The following CFAP99 variants were observed in gnomAD, a reference collection of about 807,000 sequenced individuals.
CFAP99 encodes the protein cilia and flagella associated protein 99.
In CFAP99, 84 loss-of-function variants were observed where a neutral mutation model predicts 82.7. The ratio of observed to expected loss-of-function variants is 1.02; its 90% confidence interval spans 0.85 to 1.22. The LOEUF is 1.22. Among genes scored for constraint, CFAP99 ranks in the 50% most tolerant of loss-of-function variants. CFAP99 has a pLI of 0.00. For missense variants in CFAP99, 1,059 were observed against 983.5 expected, an observed-to-expected ratio of 1.08 and a Z score of -1.03; for synonymous variants, 456 against 429.5, an observed-to-expected ratio of 1.06 and a Z score of -0.76.
At chr4:2,458,556 C>T (rs935711935) in intron 11 of CFAP99, among the ~76,000 whole-genome samples, 167 bp from the exon 12 acceptor site, 2 of 152,202 alleles carry the variant, frequency 1.3e-5, no homozygotes, top group Non-Finnish European at 2.9e-5. Context: ...GGCCCAACTT[C>T]CAGAGCACCG....
intron 8 of CFAP99, chr4:2,450,208 C>T (rs1734271937): frequency 3.3e-6 from 2 of 602,868 alleles, no homozygotes; most frequent in Middle Eastern, 2.7e-4. Flanking sequence ...TGTAGACGCG[C>T]ACCCACATCC....
intron 4 of CFAP99, among the ~76,000 whole-genome samples, chr4:2,442,276 C>A (rs189737432): frequency 1.2e-3 from 180 of 152,166 alleles, no homozygotes; most frequent in Non-Finnish European, 1.8e-3. Flanking sequence ...GTAGAGACCC[C>A]AGCCTCGGGG....
At chr4:2,439,417 CTT>C (rs1733986908) in intron 4 of CFAP99, among the ~76,000 whole-genome samples, 1 of 152,170 alleles carries the variant, frequency 6.6e-6, no homozygotes, top group Admixed American at 6.5e-5. Context: ...CGAGGTCTCT[CTT>C]GAAGGAAGCA....
At chr4:2,436,592 A>G (rs146927505) in intron 2 of CFAP99, among the ~76,000 whole-genome samples, 35 of 152,318 alleles carry the variant, frequency 2.3e-4, no homozygotes, top group African/African-American at 7.5e-4. Flanking sequence ...TGTTCTCATT[A>G]GCTGGAACCG....
In CFAP99 at chr4:2,450,584, C is replaced by T. The variant is rs191055343; in HGVS notation, c.796-363C>T. On this transcript the variant is annotated intron_variant, in intron 8 of 14. Transcript: ENST00000635017. ...TTGGCAAAGCAGCTGGCGGCTGGGC[C>T]GGGAGCAGACAGGCTCGGGGAGAGG... Among the ~76,000 whole-genome samples the T allele has an allele frequency of 5.0e-3, 757 of 152,264 alleles. 7 individuals carry two copies. The highest frequency in any genetic ancestry group is 5.7e-3 in the Non-Finnish European group (387 of 67,998).
intron 4 of CFAP99, among the ~76,000 whole-genome samples, chr4:2,439,010 C>T (rs78082753): frequency 0.017 from 2,560 of 152,284 alleles, 64 homozygotes; most frequent in African/African-American, 0.056. Flanking sequence ...CAGGAGCCCA[C>T]GCCCCTGACT....
chr4:2,439,990 G>T (rs543715345), intron 4 of CFAP99, among the ~76,000 whole-genome samples: 195 of 150,088 alleles, frequency 1.3e-3, no homozygotes, highest in Non-Finnish European at 2.4e-3. Flanking sequence ...ATTACGGCAT[G>T]TGCCATCACG....
chr4:2,436,908 A>G (rs1366111209), exon 3 of CFAP99: 1 of 1,535,434 alleles, frequency 6.5e-7, no homozygotes, highest in African/African-American at 1.4e-5. Context: ...TTTGTTTTGG[A>G]GGTTCTGTCT....
intron 1 of CFAP99, among the ~76,000 whole-genome samples, chr4:2,419,391 A>G (rs1195638696): frequency 6.6e-6 from 1 of 151,906 alleles, no homozygotes; most frequent in African/African-American, 2.4e-5. Flanking sequence ...AGAGCTAAAA[A>G]CCCACACGTG....
chr4:2,462,056 C>G lies in CFAP99; in HGVS notation c.1662-387C>G, dbSNP rs541480369. On this transcript the variant is annotated intron_variant, in intron 14 of 14. Coordinates refer to ENST00000635017, the Ensembl canonical transcript of CFAP99. This position sits in a 1 kb window ranked among gnomAD's most constrained non-coding sequence, Gnocchi z 4.1. ...CCTGTAATCCCAGCATTTTGGGAGG[C>G]TGAGGTAGGAGAATTGCTTGAGCCT... Among the ~76,000 whole-genome samples the G allele has an allele frequency of 9.2e-5, 14 of 151,740 alleles. No individual in the cohort carries two copies. The highest frequency in any genetic ancestry group is 1.5e-4 in the Non-Finnish European group (10 of 67,976).
At chr4:2,430,656 A>G (rs1271129458) in intron 2 of CFAP99, among the ~76,000 whole-genome samples, 1 of 152,258 alleles carries the variant, frequency 6.6e-6, no homozygotes, top group Non-Finnish European at 1.5e-5. Context: ...AAAAGTACTA[A>G]GCCAGGCATG....
intron 1 of CFAP99, among the ~76,000 whole-genome samples, chr4:2,424,194 AGATCACCT>A (rs1306180746): frequency 1.3e-5 from 2 of 152,216 alleles, no homozygotes; most frequent in Non-Finnish European, 2.9e-5. Context: ...TGAGGCAGGC[AGATCACCT>A]GAGGTCAGGA....
chr4:2,445,168 G>A, exon 6 of CFAP99: 1 of 1,412,066 alleles, frequency 7.1e-7, no homozygotes, highest in Non-Finnish European at 9.2e-7. Flanking sequence ...CAACCACCTG[G>A]AGGGCGTGTC....
intron 5 of CFAP99, 24 bp from the exon 6 acceptor site, chr4:2,445,107 G>A: frequency 7.6e-7 from 1 of 1,320,428 alleles, no homozygotes; most frequent in Non-Finnish European, 9.6e-7. Flanking sequence ...GACCATAAGA[G>A]GTGTTTCCAC....
chr4:2,436,132 T>C (rs980989666), intron 2 of CFAP99, among the ~76,000 whole-genome samples: 15 of 151,268 alleles, frequency 9.9e-5, no homozygotes, highest in Non-Finnish European at 2.2e-4. Flanking sequence ...TATAGATATA[T>C]GAAATTTTCA....
chr4:2,451,779 G>A (rs1019923983), intron 10 of CFAP99, among the ~76,000 whole-genome samples: 1 of 152,152 alleles, frequency 6.6e-6, no homozygotes, highest in Non-Finnish European at 1.5e-5. Context: ...TGGAGTGGAC[G>A]CACAGATGGT....
At chr4:2,422,151 G>T (rs563073843) in intron 1 of CFAP99, among the ~76,000 whole-genome samples, 1 of 152,236 alleles carries the variant, frequency 6.6e-6, no homozygotes, top group Non-Finnish European at 1.5e-5. Flanking sequence ...CCTCCCCAAA[G>T]AGGTGATTGT....
chr4:2,459,160 G>A (rs1187240326), exon 13 of CFAP99: 2 of 1,535,348 alleles, frequency 1.3e-6, no homozygotes, highest in East Asian at 2.4e-5. Flanking sequence ...GGCGCAGGCA[G>A]CCCAGGAGGA....
intron 11 of CFAP99, among the ~76,000 whole-genome samples, chr4:2,455,186 C>T (rs189457158): frequency 3.9e-4 from 59 of 152,392 alleles, no homozygotes; most frequent in African/African-American, 1.4e-3. Flanking sequence ...GGAAATGCGC[C>T]TCTGCGCCCA....
Sources: allele counts gnomAD v4.1 joint callset (sites outside exome capture counted in the v4.1 genomes callset), GRCh38; gene constraint gnomAD v4.1.1; non-coding constraint Gnocchi (gnomAD v3.1); transcripts MANE v1.5; gene names NCBI Gene and HGNC (gene_info 2026-07-23, HGNC 2026-07-21).